The following RGS7 variants were observed in gnomAD, a reference collection of about 807,000 sequenced individuals.
RGS7 encodes the protein regulator of G-protein signaling 7.
In RGS7, 27 loss-of-function variants were observed where a neutral mutation model predicts 81.1. The ratio of observed to expected loss-of-function variants is 0.33; its 90% CI spans 0.25 to 0.46. The LOEUF is 0.46. Among genes scored for constraint, RGS7 ranks in the 20% least tolerant of loss-of-function variants. The pLI is 1.00. For missense variants in RGS7, 396 were observed against 607.4 expected, an observed-to-expected ratio of 0.65 and a Z score of 3.66; for synonymous variants, 208 against 207.7, an observed-to-expected ratio of 1.00 and a Z score of -0.01.
chr1:241,200,337 ATACT>A (rs1472151823), intron 2 of RGS7, among the ~76,000 whole-genome samples: 13 of 152,126 alleles, frequency 8.5e-5, no homozygotes, highest in African/African-American at 3.1e-4. Flanking sequence ...CGGCAGAAAA[ATACT>A]TATTTATATC....
Position 240,997,967 on chromosome 1 carries a change from T to A in RGS7, c.176-14838A>T, listed in dbSNP as rs149178579. On this transcript the variant is annotated intron_variant, in intron 3 of 18. Transcript: ENST00000440928. ...CTTTTATTTAGAAAATTCCTTTTAA[T>A]CATTCTGTTAGAGTTCGTCAGCTGG... 3.6e-3 allele frequency among the ~76,000 whole-genome samples: 547 copies of A among 152,356 alleles called. 2 individuals are homozygous for A. The highest frequency in any genetic ancestry group is 0.012 in the African/African-American group (513 of 41,586).
intron 5 of RGS7, among the ~76,000 whole-genome samples, 163 bp from the exon 6 acceptor site, chr1:240,930,931 ACATGTACTTTGCTGAC>A (rs1219467271): frequency 6.6e-6 from 1 of 152,220 alleles, no homozygotes; most frequent in Non-Finnish European, 1.5e-5. Context: ...CTCTTTGTCT[ACATGTACTTTGCTGAC>A]CAATTGCTCA....
intron 2 of RGS7, among the ~76,000 whole-genome samples, chr1:241,283,120 A>G (rs2078614902): frequency 1.3e-5 from 2 of 152,112 alleles, no homozygotes; most frequent in African/African-American, 2.4e-5. Context: ...TCCTTTATAT[A>G]TATTTAGAGC....
At chr1:241,265,890 G>A (rs61833818) in intron 2 of RGS7, among the ~76,000 whole-genome samples, 21,027 of 149,302 alleles carry the variant, frequency 0.14, 1,526 homozygotes, top group Middle Eastern at 0.18. Flanking sequence ...CGCCTCCCGG[G>A]TTCAAGCAAT....
intron 2 of RGS7, among the ~76,000 whole-genome samples, chr1:241,350,547 T>C (rs1325210188): frequency 6.6e-6 from 1 of 152,068 alleles, no homozygotes; most frequent in Admixed American, 6.6e-5. Context: ...TGTTGTCCCT[T>C]GTATATATTC....
At chr1:241,178,190 A>T (rs2071307070) in intron 2 of RGS7, among the ~76,000 whole-genome samples, 1 of 152,034 alleles carries the variant, frequency 6.6e-6, no homozygotes, top group African/African-American at 2.4e-5. Flanking sequence ...TATTTGAGAG[A>T]CTGAGGTAGG....
intron 10 of RGS7, among the ~76,000 whole-genome samples, chr1:240,821,162 T>A (rs561140803): frequency 1.3e-5 from 2 of 152,010 alleles, no homozygotes; most frequent in Non-Finnish European, 2.9e-5. Context: ...ATCAGAAAAG[T>A]CCCCTCTTGG....
intron 3 of RGS7, among the ~76,000 whole-genome samples, chr1:241,078,707 T>C (rs957698429): frequency 6.6e-6 from 1 of 152,146 alleles, no homozygotes; most frequent in African/African-American, 2.4e-5. Flanking sequence ...TATAAGACCA[T>C]AAATATATAA....
At chr1:241,065,861 G>A (rs1459244791) in intron 3 of RGS7, among the ~76,000 whole-genome samples, 1 of 152,054 alleles carries the variant, frequency 6.6e-6, no homozygotes, top group Non-Finnish European at 1.5e-5. Flanking sequence ...GTTAAATTAG[G>A]CTAATAATAG....
At chr1:241,039,520 AG>A (rs1211351848) in intron 3 of RGS7, among the ~76,000 whole-genome samples, 1 of 152,074 alleles carries the variant, frequency 6.6e-6, no homozygotes, top group African/African-American at 2.4e-5. Context: ...GGAAACCAGA[AG>A]GTAGATTTAG....
intron 6 of RGS7, among the ~76,000 whole-genome samples, chr1:240,928,672 G>A (rs1166497768): frequency 1.4e-5 from 2 of 146,194 alleles, no homozygotes; most frequent in Admixed American, 7.0e-5. Flanking sequence ...GCAGTAGCAC[G>A]ATCTTGGCTG....
chr1:240,885,092 C>A (rs891555211), intron 6 of RGS7, among the ~76,000 whole-genome samples: 2 of 152,186 alleles, frequency 1.3e-5, no homozygotes, highest in African/African-American at 4.8e-5. Flanking sequence ...GGGCAAAGGA[C>A]ATGAACAGAC....
chr1:240,910,549 C>T (rs1390404383), intron 6 of RGS7, among the ~76,000 whole-genome samples: 2 of 152,020 alleles, frequency 1.3e-5, no homozygotes, highest in Non-Finnish European at 2.9e-5. Flanking sequence ...CTATAGTTAA[C>T]AATAATGCAT....
chr1:241,135,320 G>A (rs546569298), intron 2 of RGS7, among the ~76,000 whole-genome samples: 2 of 152,074 alleles, frequency 1.3e-5, no homozygotes, highest in East Asian at 1.9e-4. Context: ...CCAGCTACTC[G>A]GGAGGCTGAG....
chr1:241,162,698 A>C (rs2069828270), intron 2 of RGS7, among the ~76,000 whole-genome samples: 1 of 152,200 alleles, frequency 6.6e-6, no homozygotes, highest in African/African-American at 2.4e-5. Context: ...TTGAAGAGGC[A>C]AGGATCGAGT....
chr1:241,250,213 T>G (rs114435838), intron 2 of RGS7, among the ~76,000 whole-genome samples: 4,107 of 152,232 alleles, frequency 0.027, 186 homozygotes, highest in African/African-American at 0.092. Context: ...CATATATGTA[T>G]TTTAGTATAT....
At chr1:241,128,201 G>A (rs1325635765) in intron 2 of RGS7, among the ~76,000 whole-genome samples, 4 of 151,640 alleles carry the variant, frequency 2.6e-5, no homozygotes, top group African/African-American at 7.3e-5. Context: ...GACGTGAACC[G>A]GGAAAGTGGA....
At chr1:241,347,914 T>A (rs2083006337) in intron 2 of RGS7, among the ~76,000 whole-genome samples, 1 of 152,180 alleles carries the variant, frequency 6.6e-6, no homozygotes, top group Non-Finnish European at 1.5e-5. Flanking sequence ...AAAAAAATAA[T>A]TTGTTGAACT....
intron 3 of RGS7, among the ~76,000 whole-genome samples, chr1:241,013,205 G>A (rs2059057360): frequency 6.6e-6 from 1 of 151,956 alleles, no homozygotes; most frequent in African/African-American, 2.4e-5. Flanking sequence ...TAGGATTACA[G>A]GTGTGCACCA....
Sources: allele counts gnomAD v4.1 joint callset (sites outside exome capture counted in the v4.1 genomes callset), GRCh38; gene constraint gnomAD v4.1.1; transcripts MANE v1.5; gene names NCBI Gene and HGNC (gene_info 2026-07-23, HGNC 2026-07-21).